The following NIPSNAP2 variants were observed in gnomAD, a reference collection of about 807,000 sequenced individuals.
NIPSNAP2 encodes the protein nipsnap homolog 2.
Under a neutral mutation model 48.4 loss-of-function variants are expected in NIPSNAP2, and 42 were observed. The observed-to-expected ratio is 0.87, with a 90% confidence interval of 0.68 to 1.12. The LOEUF (loss-of-function observed/expected upper bound fraction) is 1.12. Among genes scored for constraint, NIPSNAP2 ranks in the 50% most tolerant of loss-of-function variants. The pLI is 0.00. For synonymous variants in NIPSNAP2, 158 were observed against 126.6 expected (o/e 1.25, Z -1.67); for missense variants, 314 against 347.3 (o/e 0.90, Z 0.76).
intron 4 of NIPSNAP2, chr7:55,981,849 A>T (rs1457162203): frequency 2.7e-6 from 1 of 372,406 alleles, no homozygotes; most frequent in Non-Finnish European, 4.9e-6. Context: ...TCTGTTGCCC[A>T]GGCTGGAGTG....
chr7:55,972,438 T>C lies in NIPSNAP2; in HGVS notation c.93-5688T>C, dbSNP rs560825717. On this transcript the variant is annotated intron_variant, in intron 1 of 9. Transcript: ENST00000322090. Reference sequence around the variant, plus strand: ...GTAAGTTTCTTTTTTCTTTTTCTTTTTTTTTTTTTTTGAGACAGAGTTTCA... The same window carrying C: ...GTAAGTTTCTTTTTTCTTTTTCTTTCTTTTTTTTTTTGAGACAGAGTTTCA... Among the ~76,000 whole-genome samples, 4 of 151,104 alleles carry C rather than the reference T, an allele frequency of 2.6e-5. No individual in the cohort carries two copies. The South Asian group carries it at 6.3e-4, about 24-fold the overall frequency.
At chr7:55,991,558 C>G (rs555258811) in intron 7 of NIPSNAP2, among the ~76,000 whole-genome samples, 24 of 151,860 alleles carry the variant, frequency 1.6e-4, no homozygotes, top group African/African-American at 5.6e-4. Context: ...ACCAGCCTGA[C>G]CAACATGGAG....
chr7:55,996,847 G>A (rs780471295), intron 8 of NIPSNAP2, among the ~76,000 whole-genome samples: 9 of 151,932 alleles, frequency 5.9e-5, no homozygotes, highest in African/African-American at 9.7e-5. Flanking sequence ...GGGCAACATA[G>A]TGAGACCCCA....
chr7:55,978,305 T>C (rs1787144291), intron 2 of NIPSNAP2, 40 bp downstream of exon 2: 4 of 1,613,194 alleles, frequency 2.5e-6, no homozygotes, highest in Non-Finnish European at 2.5e-6. Context: ...TGACTTTTTT[T>C]CCCCTTTGTT....
intron 1 of NIPSNAP2, among the ~76,000 whole-genome samples, chr7:55,977,534 T>A (rs1424707694): frequency 6.6e-6 from 1 of 152,224 alleles, no homozygotes; most frequent in Non-Finnish European, 1.5e-5. Flanking sequence ...TAAACCATCT[T>A]AAGTGCATAA....
chr7:55,970,051 C>T (rs570342272), intron 1 of NIPSNAP2, among the ~76,000 whole-genome samples: 38 of 151,658 alleles, frequency 2.5e-4, no homozygotes, highest in Middle Eastern at 3.4e-3. Context: ...ATCCTGTGGT[C>T]TCAGCGTTAA....
intron 7 of NIPSNAP2, among the ~76,000 whole-genome samples, chr7:55,993,418 A>C (rs952372730): frequency 1.3e-5 from 2 of 151,986 alleles, no homozygotes; most frequent in African/African-American, 2.4e-5. Context: ...TGCCTACCAA[A>C]AATACAAAAA....
chr7:55,966,429 G>T (rs887563952), intron 1 of NIPSNAP2, among the ~76,000 whole-genome samples: 1 of 152,026 alleles, frequency 6.6e-6, no homozygotes, highest in African/African-American at 2.4e-5. Flanking sequence ...CAACATAGTG[G>T]AACTCTGTCC....
intron 8 of NIPSNAP2, among the ~76,000 whole-genome samples, chr7:55,996,907 G>A (rs143394027): frequency 4.9e-4 from 74 of 152,236 alleles, no homozygotes; most frequent in Middle Eastern, 3.4e-3. Context: ...TGGGCCAGGC[G>A]TGGTGGCTCA....
chr7:55,982,323 G>A, intron 5 of NIPSNAP2, 43 bp downstream of exon 5: 1 of 1,122,436 alleles, frequency 8.9e-7, no homozygotes, highest in South Asian at 1.3e-5. Context: ...ATGATATATA[G>A]ATGTTAGTAC....
chr7:55,996,372 T>C (rs917951917), intron 8 of NIPSNAP2, among the ~76,000 whole-genome samples: 2 of 152,024 alleles, frequency 1.3e-5, no homozygotes, highest in African/African-American at 4.8e-5. Context: ...CCCCTCCACC[T>C]GAAGCGCCTT....
chr7:55,998,721 G>T (rs1026521597), intron 9 of NIPSNAP2, among the ~76,000 whole-genome samples: 1 of 151,910 alleles, frequency 6.6e-6, no homozygotes, highest in Non-Finnish European at 1.5e-5. Flanking sequence ...GGATGGTCTC[G>T]ATTTCCTGAC....
At chr7:55,982,331 T>C (rs377234285) in intron 5 of NIPSNAP2, 51 bp downstream of exon 5, 15 of 1,059,594 alleles carry the variant, frequency 1.4e-5, no homozygotes, top group Middle Eastern at 5.6e-4. Context: ...TAGATGTTAG[T>C]ACAGAATTAA....
intron 7 of NIPSNAP2, among the ~76,000 whole-genome samples, chr7:55,991,026 A>G (rs1031183792): frequency 6.6e-6 from 1 of 151,786 alleles, no homozygotes; most frequent in Non-Finnish European, 1.5e-5. Flanking sequence ...TCTGACTTCA[A>G]GTGATCTGCC....
intron 7 of NIPSNAP2, among the ~76,000 whole-genome samples, chr7:55,991,313 T>G (rs1787439241): frequency 6.6e-6 from 1 of 152,320 alleles, no homozygotes; most frequent in African/African-American, 2.4e-5. Context: ...ATTTTTGTTC[T>G]TTTGTTTTTG....
chr7:55,998,558 TG>T (rs1403079924), intron 9 of NIPSNAP2, among the ~76,000 whole-genome samples: 1 of 131,066 alleles, frequency 7.6e-6, no homozygotes, highest in Non-Finnish European at 1.6e-5. Flanking sequence ...TGGAGTGCAG[TG>T]ACGCGATCTC....
Position 55,994,964 on chromosome 7 carries a change from C to G in NIPSNAP2, c.688C>G (p.Leu230Val). ...AGGATTCTTCTCTCAGATTGGGCAG[C>G]TGTACATGGTGCACCATCTTTGGGG... ...VGGFFSQIGQLYMVHHLWAYR... is the reference protein window; with the variant it reads ...VGGFFSQIGQVYMVHHLWAYR... Residue 230 changes from leucine (L) to valine (V), a missense_variant, in exon 8 of 10, where the codon CTG becomes GTG. By Grantham distance (32) the Leu-to-Val change is conservative. This residue lies in a region of NIPSNAP2 where 116 missense variants were observed against 161.8 expected (regional missense o/e 0.72). Transcript: ENST00000322090. 2 of 1,614,080 alleles carry G rather than the reference C, an allele frequency of 1.2e-6. No homozygotes were observed. The highest frequency in any genetic ancestry group is 1.7e-6 in the Non-Finnish European group (2 of 1,179,934).
At chr7:55,982,130 C>A in intron 4 of NIPSNAP2, 80 bp from the exon 5 acceptor site, 2 of 870,514 alleles carry the variant, frequency 2.3e-6, no homozygotes. Context: ...GCTGTGTTAA[C>A]GTTATACCTA....
intron 1 of NIPSNAP2, among the ~76,000 whole-genome samples, chr7:55,975,088 C>T (rs1174109361): frequency 6.6e-6 from 1 of 151,780 alleles, no homozygotes; most frequent in Non-Finnish European, 1.5e-5. Context: ...CATGGTGGCT[C>T]ATGCTCGAAA....
Sources: allele counts gnomAD v4.1 joint callset (sites outside exome capture counted in the v4.1 genomes callset), GRCh38; gene constraint gnomAD v4.1.1; regional missense constraint gnomAD v4.1.1; transcripts MANE v1.5; gene names NCBI Gene and HGNC (gene_info 2026-07-23, HGNC 2026-07-21).